Variants in DCAF1 observed in about 807,000 individuals in gnomAD.
DCAF1 encodes DDB1- and CUL4-associated factor 1.
DCAF1 carries 15 observed loss-of-function variants against 128.0 expected under a neutral mutation model. That is an observed-to-expected ratio of 0.12 (90% CI 0.08 to 0.18). The LOEUF (loss-of-function observed/expected upper bound fraction) is 0.18. Among genes scored for constraint, DCAF1 ranks in the 10% least tolerant of loss-of-function variants. The pLI is 1.00. For missense variants in DCAF1, 988 were observed against 1,649.5 expected (o/e 0.60, Z 6.95); for synonymous variants, 610 against 603.0 (o/e 1.01, Z -0.17).
At chr3:51,487,192 G>C (rs192936667) in intron 2 of DCAF1, among the ~76,000 whole-genome samples, 2 of 151,828 alleles carry the variant, frequency 1.3e-5, no homozygotes, top group East Asian at 1.9e-4. Context: ...GTCTGGTCTC[G>C]ATCTCTTGAC....
chr3:51,410,485 G>C (rs748237925), intron 23 of DCAF1, among the ~76,000 whole-genome samples: 6 of 85,414 alleles, frequency 7.0e-5, no homozygotes, highest in Non-Finnish European at 1.3e-4. Context: ...CTCATATCCT[G>C]TAATGGCCAA....
intron 2 of DCAF1, among the ~76,000 whole-genome samples, chr3:51,494,151 C>A (rs1419191977): frequency 7.1e-6 from 1 of 140,360 alleles, no homozygotes; most frequent in African/African-American, 2.7e-5. Flanking sequence ...CTCACTCTGT[C>A]GCCCAGAGAC....
chr3:51,445,173 T>TA (rs1553639960), intron 6 of DCAF1, among the ~76,000 whole-genome samples: 1 of 152,094 alleles, frequency 6.6e-6, no homozygotes, highest in Admixed American at 6.6e-5. Flanking sequence ...ATCACAGATT[T>TA]AAAAAGAAAA....
chr3:51,424,796 T>C (rs1559495931), intron 13 of DCAF1, among the ~76,000 whole-genome samples: 1 of 152,160 alleles, frequency 6.6e-6, no homozygotes, highest in African/African-American at 2.4e-5. Context: ...CAGTATGACG[T>C]TATTATTTAT....
rs142945419 is a variant in DCAF1, at chr3:51,417,287, C to T, written c.3519-416G>A. On this transcript the variant is annotated intron_variant, in intron 17 of 24. Transcript: ENST00000684031. ...GCAAAAAATTAGCCAGGCGTGGTGG[C>T]ATATGCCTGTGGTCCCAGCTACTCA... Among the ~76,000 whole-genome samples the T allele has an allele frequency of 4.9e-3, 749 of 152,242 alleles. 4 individuals are homozygous for T. The highest frequency in any genetic ancestry group is 7.8e-3 in the Non-Finnish European group (531 of 68,000).
rs181887935 is a variant in DCAF1 at position 51,443,197 on chromosome 3, A to G, written c.513+569T>C. ...TGTAAAATGCTTTCAATTTTACTAC[A>G]TGTTTGAAAATTTTCATAACACAAA... On this transcript the variant is annotated intron_variant, in intron 7 of 24. Coordinates refer to ENST00000684031, the MANE Select transcript of DCAF1 (RefSeq NM_001387579.1). Among the ~76,000 whole-genome samples, 165 of 152,300 alleles carry G rather than the reference A, an allele frequency of 1.1e-3. 1 individual carries two copies. The highest frequency in any genetic ancestry group is 2.1e-3 in the Non-Finnish European group (144 of 68,022).
chr3:51,427,378 T>C lies in DCAF1; in HGVS notation c.1841A>G (p.Tyr614Cys). Residue 614 changes from tyrosine to cysteine, a missense_variant, in exon 13 of 25, where the codon TAT (tyrosine) becomes TGT (cysteine). Tyr to Cys is a radical substitution (Grantham distance 194, BLOSUM62 -2). Transcript: ENST00000684031. ...ISIACNWKTY[Y>C]ARNDTVRFAL... ...AATCTCTCTCTGGTCCCACCTTGCA[T>C]AATAGGTCTTCCAATTGCAGGCAAT... The C allele has an allele frequency of 2.7e-6, 2 of 751,092 alleles. No homozygotes were observed. Among genetic ancestry groups the C allele is most frequent in the Non-Finnish European group, 4.9e-6 (2 of 406,014 alleles). 46.5% of individuals were successfully genotyped at this position (751,092 alleles called of 1,614,324 possible).
chr3:51,476,256 T>C (rs1419963238), intron 3 of DCAF1, among the ~76,000 whole-genome samples: 1 of 151,494 alleles, frequency 6.6e-6, no homozygotes, highest in African/African-American at 2.4e-5. Context: ...CCAGGCATGG[T>C]GGCGGGCGCC....
At chr3:51,471,842 C>T (rs1553648535) in intron 3 of DCAF1, among the ~76,000 whole-genome samples, 1 of 151,936 alleles carries the variant, frequency 6.6e-6, no homozygotes, top group East Asian at 1.9e-4. Flanking sequence ...GCACTCCAGC[C>T]CGGGCAACAA....
chr3:51,407,297 G>C (rs1161843095), intron 23 of DCAF1, among the ~76,000 whole-genome samples: 2 of 151,954 alleles, frequency 1.3e-5, no homozygotes, highest in African/African-American at 2.4e-5. Context: ...AAGGCTATAG[G>C]TTCACTTTAG....
rs782304116 is a variant in DCAF1 at position 51,466,888 on chromosome 3, A to G, written c.188-12T>C. 5 of 1,613,370 alleles carry G rather than the reference A, an allele frequency of 3.1e-6. No individual in the cohort carries two copies. Among genetic ancestry groups the G allele is most frequent in the Non-Finnish European group, 4.2e-6 (5 of 1,179,458 alleles). ...TGGATCAGCTCGACCTACCAAGAGA[A>G]GAGGGGAGGAACAAACAAAGGAATG... On this transcript the variant is annotated splice_polypyrimidine_tract_variant and intron_variant, in intron 4 of 24. Coordinates refer to ENST00000684031, the MANE Select transcript of DCAF1 (RefSeq NM_001387579.1).
At chr3:51,501,749 T>C (rs1221020318), upstream of DCAF1, among the ~76,000 whole-genome samples, 1 of 152,144 alleles carries the variant, frequency 6.6e-6, no homozygotes, top group Non-Finnish European at 1.5e-5. Context: ...TCACCTTTCT[T>C]CACTTCTTTC....
At chr3:51,444,752 T>C (rs1337396621) in intron 6 of DCAF1, among the ~76,000 whole-genome samples, 1 of 152,118 alleles carries the variant, frequency 6.6e-6, no homozygotes, top group Non-Finnish European at 1.5e-5. Flanking sequence ...CTCGGCTCAC[T>C]ACAAGCTCTG....
intron 1 of DCAF1, 60 bp downstream of exon 1, chr3:51,499,813 C>G (rs1432698106): frequency 6.6e-6 from 1 of 151,612 alleles, no homozygotes. Context: ...CCCGGCCAGC[C>G]GCGCGACCTG....
chr3:51,413,333 G>A lies in DCAF1; in HGVS notation c.3985C>T (p.Pro1329Ser). The change falls in exon 21 of 25, where the codon CCC (proline) becomes TCC (serine). Residue 1329 changes from proline to serine, a missense_variant. Physicochemically the swap from Pro to Ser is moderately conservative, Grantham distance 74 (BLOSUM62 -1). This residue lies in a region of DCAF1 where 85 missense variants were observed against 204.6 expected (regional missense o/e 0.42). Coordinates refer to ENST00000684031, the MANE Select transcript of DCAF1 (RefSeq NM_001387579.1). ...AATGTTCGGAAGGATGACCCAAAGGGGCTTTTCATCCTCTCTTCCATTAAG... is the reference window on the plus strand; with the variant it reads ...AATGTTCGGAAGGATGACCCAAAGGAGCTTTTCATCCTCTCTTCCATTAAG... ...DDLMEERMKS[P>S]FGSSFRTFNA... 1 of 1,613,634 alleles carries A rather than the reference G, an allele frequency of 6.2e-7. No homozygotes were observed. The highest frequency in any genetic ancestry group is 2.2e-5 in the East Asian group (1 of 44,874).
intron 2 of DCAF1, among the ~76,000 whole-genome samples, chr3:51,493,618 T>C (rs1707906117): frequency 1.3e-5 from 2 of 152,094 alleles, no homozygotes; most frequent in South Asian, 4.1e-4. Flanking sequence ...ATGAATGAAG[T>C]AGTAACATGC....
chr3:51,422,227 G>T, intron 14 of DCAF1, 80 bp downstream of exon 14: 1 of 703,648 alleles, frequency 1.4e-6, no homozygotes, highest in East Asian at 2.7e-5. Flanking sequence ...AATTAGGTCA[G>T]GTAAGTAACC....
downstream of DCAF1, chr3:51,395,884 T>TATTTA: frequency 4.8e-6 from 2 of 413,502 alleles, no homozygotes; most frequent in Admixed American, 4.4e-5. Context: ...TAAGCATGTT[T>TATTTA]ATTTATTTGC....
At chr3:51,440,057 G>A (rs1301793725) in intron 9 of DCAF1, 1 of 407,572 alleles carries the variant, frequency 2.5e-6, no homozygotes, top group Admixed American at 3.3e-5. Context: ...TAGGGCATAA[G>A]CAAGCACTAT....
Sources: allele counts gnomAD v4.1 joint callset (sites outside exome capture counted in the v4.1 genomes callset), GRCh38; gene constraint gnomAD v4.1.1; regional missense constraint gnomAD v4.1.1; transcripts MANE v1.5; gene names NCBI Gene and HGNC (gene_info 2026-07-23, HGNC 2026-07-21).